The following GSE1 variants were observed in gnomAD, a reference collection of about 807,000 sequenced individuals.
The protein encoded by GSE1 is Gse1 coiled-coil protein, also known as genetic suppressor element 1.
GSE1 carries 32 observed loss-of-function variants against 112.6 expected under a neutral mutation model. The ratio of observed to expected loss-of-function variants is 0.28; its 90% confidence interval spans 0.21 to 0.38. GSE1 has a LOEUF of 0.38. Among genes scored for constraint, GSE1 ranks in the 10% least tolerant of loss-of-function variants. GSE1 has a pLI of 1.00. For synonymous variants in GSE1, 1,115 were observed against 735.6 expected, an observed-to-expected ratio of 1.52 and a Z score of -8.35; for missense variants, 2,348 against 1,699.2, an observed-to-expected ratio of 1.38 and a Z score of -6.71.
chr16:85,585,539 TTC>T (rs2151404791), intron 1 of GSE1, among the ~76,000 whole-genome samples: 1 of 152,308 alleles, frequency 6.6e-6, no homozygotes, highest in East Asian at 1.9e-4. Flanking sequence ...TGGGGTGTCT[TTC>T]TGCCCAGCTG....
chr16:85,614,091 T>TCCCCC (rs1415474185), intron 1 of GSE1, among the ~76,000 whole-genome samples: 2 of 8,280 alleles, frequency 2.4e-4, no homozygotes, highest in African/African-American at 1.1e-3. Context: ...GCCCCTCCCC[T>TCCCCC]CCCCCCCGCA....
At chr16:85,176,990 C>G (rs1479418523) in intron 1 of GSE1, among the ~76,000 whole-genome samples, 5 of 152,240 alleles carry the variant, frequency 3.3e-5, no homozygotes. Flanking sequence ...AGGAGGCAGC[C>G]TGGCTGGGGC....
intron 3 of GSE1, among the ~76,000 whole-genome samples, chr16:85,651,067 C>CCGCCCCTCCTCCCCCTCCCCCTT (rs2051306474): frequency 7.7e-6 from 1 of 129,774 alleles, no homozygotes; most frequent in Non-Finnish European, 1.7e-5. Context: ...CCCTCCCCCT[C>CCGCCCCTCCTCCCCCTCCCCCTT]CGCCCCTCCT....
intron 1 of GSE1, among the ~76,000 whole-genome samples, chr16:85,186,052 C>T (rs1597746102): frequency 6.6e-6 from 1 of 152,324 alleles, no homozygotes; most frequent in East Asian, 1.9e-4. Flanking sequence ...CGGGCAGCGA[C>T]ATCTGACCAT....
rs529177214 is a variant in GSE1, at chr16:85,419,183, A to C, written c.2464+61540A>C. ...AGGCACCGAGCCTGGGGATTCTGACAGTCAGAGGCTGCCTTAGTCTCTGCA... is the reference window on the plus strand; with the variant it reads ...AGGCACCGAGCCTGGGGATTCTGACCGTCAGAGGCTGCCTTAGTCTCTGCA... On this transcript the variant is annotated intron_variant, in intron 2 of 2. Transcript: ENST00000637419. This position sits in a 1 kb window ranked among gnomAD's most constrained non-coding sequence, Gnocchi z 6.5. Among the ~76,000 whole-genome samples, 260 of 152,280 alleles carry C rather than the reference A, an allele frequency of 1.7e-3. No homozygotes were observed. Among genetic ancestry groups the C allele is most frequent in the African/African-American group, 6.0e-3 (251 of 41,548 alleles).
intron 1 of GSE1, among the ~76,000 whole-genome samples, chr16:85,308,402 T>C (rs1222237387): frequency 1.3e-5 from 2 of 152,194 alleles, no homozygotes; most frequent in East Asian, 1.9e-4. Flanking sequence ...GAGAAGCTTC[T>C]GTTTTGGAGC....
At chr16:85,492,424 A>G (rs910372407) in intron 2 of GSE1, among the ~76,000 whole-genome samples, 1 of 152,168 alleles carries the variant, frequency 6.6e-6, no homozygotes, top group Non-Finnish European at 1.5e-5. Flanking sequence ...TTTCCCTGGA[A>G]TTCCAGCAAT....
intron 2 of GSE1, among the ~76,000 whole-genome samples, chr16:85,441,256 C>T (rs896930173): frequency 6.6e-6 from 1 of 152,142 alleles, no homozygotes; most frequent in African/African-American, 2.4e-5. Flanking sequence ...TCAGTAGCAC[C>T]CCCCAATTGT....
chr16:85,178,980 G>T (rs370749086), intron 1 of GSE1, among the ~76,000 whole-genome samples: 1 of 152,114 alleles, frequency 6.6e-6, no homozygotes, highest in African/African-American at 2.4e-5. Flanking sequence ...AAAGCATGGT[G>T]GTTTTTGTTG....
chr16:85,278,209 G>C (rs1909564685), intron 1 of GSE1, among the ~76,000 whole-genome samples: 2 of 152,216 alleles, frequency 1.3e-5, no homozygotes, highest in Non-Finnish European at 2.9e-5. Flanking sequence ...GCAGCGTCAG[G>C]GGGCGGGGGT....
At chr16:85,226,827 G>A (rs1479026321) in intron 1 of GSE1, among the ~76,000 whole-genome samples, 1 of 148,170 alleles carries the variant, frequency 6.7e-6, no homozygotes, top group African/African-American at 2.5e-5. Context: ...GAAGGAGGAC[G>A]AAGGAGCTAG....
Position 85,668,429 on chromosome 16 carries a change from G to A in GSE1, c.3415+5G>A, listed in dbSNP as rs775639233. On this transcript the variant is annotated splice_donor_5th_base_variant and intron_variant, in intron 14 of 15. Coordinates refer to ENST00000253458, the MANE Select transcript of GSE1 (RefSeq NM_014615.5). ...CTTACCAGGAACACATAGAAGGTAA[G>A]GGGGTGCTGGGGAAGAGGGGGGAGG... The A allele has an allele frequency of 4.4e-6, 7 of 1,582,698 alleles. No individual in the cohort carries two copies. Among genetic ancestry groups the A allele is most frequent in the African/African-American group, 1.3e-5 (1 of 74,508 alleles).
chr16:85,484,567 TG>T (rs2050775901), intron 2 of GSE1, among the ~76,000 whole-genome samples: 1 of 152,144 alleles, frequency 6.6e-6, no homozygotes. Flanking sequence ...CCACCATTGG[TG>T]CTTCAGGGGC....
Position 85,656,328 on chromosome 16 carries a change from T to A in GSE1, c.990-15T>A. On this transcript the variant is annotated splice_polypyrimidine_tract_variant and intron_variant, in intron 6 of 15. Coordinates refer to ENST00000253458, the MANE Select transcript of GSE1 (RefSeq NM_014615.5). ...CTGGTGCAGCAGAGCCCCCAACTCT[T>A]TCCATGTGCTGCAGGCTGCAGATGG... 6.8e-6 allele frequency: 11 copies of A among 1,610,026 alleles called. No individual in the cohort carries two copies. The highest frequency in any genetic ancestry group is 9.3e-6 in the Non-Finnish European group (11 of 1,178,566).
chr16:85,280,837 G>A (rs937289836), intron 1 of GSE1, among the ~76,000 whole-genome samples: 5 of 152,292 alleles, frequency 3.3e-5, no homozygotes, highest in African/African-American at 9.6e-5. Flanking sequence ...GTGTTACTGT[G>A]TCTGATTTCT....
At chr16:85,477,596 T>C (rs965076308) in intron 2 of GSE1, among the ~76,000 whole-genome samples, 1 of 150,274 alleles carries the variant, frequency 6.7e-6, no homozygotes, top group Admixed American at 6.6e-5. Flanking sequence ...AGTCTCGCTC[T>C]GTCGCCCAGG....
intron 1 of GSE1, among the ~76,000 whole-genome samples, chr16:85,204,400 T>C (rs2075080368): frequency 6.6e-6 from 1 of 152,244 alleles, no homozygotes; most frequent in Non-Finnish European, 1.5e-5. Context: ...GTGTGAGTAA[T>C]GCTGCTGTGA....
chr16:85,597,309 G>A (rs2047271845), intron 1 of GSE1, among the ~76,000 whole-genome samples: 1 of 148,752 alleles, frequency 6.7e-6, no homozygotes, highest in South Asian at 2.1e-4. Flanking sequence ...AGGAGACAGA[G>A]GTTGCAGTGA....
upstream of GSE1, chr16:85,613,212 T>G (rs1378285150): frequency 6.8e-7 from 1 of 1,474,150 alleles, no homozygotes; most frequent in African/African-American, 1.5e-5. Flanking sequence ...TGCGTTTGGG[T>G]GTGTCCTCGG....
Sources: gnomAD v4.1 joint callset for allele counts (sites outside exome capture counted in the v4.1 genomes callset) on GRCh38, gnomAD v4.1.1 for gene constraint, Gnocchi (gnomAD v3.1) non-coding constraint, MANE v1.5 for transcripts, NCBI Gene and HGNC (gene_info 2026-07-23, HGNC 2026-07-21) for gene names.